ADAMTSL1: variants seen among roughly 807,000 people sequenced by gnomAD.
ADAMTSL1 encodes ADAMTS like 1, also known as ADAMTS-like protein 1.
In ADAMTSL1, 126 loss-of-function variants were observed where a neutral mutation model predicts 201.8. The observed-to-expected ratio is 0.62, with a 90% CI of 0.54 to 0.72. The LOEUF is 0.72. ADAMTSL1 is among the 30% of genes least tolerant of loss of function. The pLI, the probability that ADAMTSL1 is intolerant of heterozygous loss-of-function variation, is 0.00. For synonymous variants in ADAMTSL1, 1,121 were observed against 903.4 expected (o/e 1.24, Z -4.32); for missense variants, 2,679 against 2,277.8 (o/e 1.18, Z -3.59).
chr9:18,311,973 GC>G (rs1269608671), intron 2 of ADAMTSL1, among the ~76,000 whole-genome samples: 3 of 152,306 alleles, frequency 2.0e-5, no homozygotes, highest in East Asian at 1.9e-4. Context: ...TCTGTTGAAT[GC>G]CTTTTACGTG....
chr9:17,953,033 G>GTT (rs5896767), intron 1 of ADAMTSL1, among the ~76,000 whole-genome samples: 131 of 144,520 alleles, frequency 9.1e-4, no homozygotes, highest in Middle Eastern at 3.6e-3. Context: ...AATTTCCATA[G>GTT]TTTTTTTTTT....
chr9:18,906,685 C>T lies in ADAMTSL1; in HGVS notation c.4962-7C>T, dbSNP rs1428364671. The T allele has an allele frequency of 4.5e-6, 7 of 1,570,580 alleles. No homozygotes were observed. Among genetic ancestry groups the T allele is most frequent in the Non-Finnish European group, 6.1e-6 (7 of 1,156,540 alleles). On this transcript the variant is annotated splice_polypyrimidine_tract_variant and splice_region_variant and intron_variant, in intron 27 of 28. Coordinates refer to ENST00000380548, the MANE Select transcript of ADAMTSL1 (RefSeq NM_001040272.6). ...CAAACCTTAACCCTGCCACCATCCT[C>T]CTGCAGGCCTGTGAGCACCCAGAAC...
At position 18,607,739 on chromosome 9, in the gene ADAMTSL1, C is replaced by G. The variant is rs564233001; in HGVS notation, c.475-14504C>G. ...CTATCCCTCCCCCCTACCCCCACCC[C>G]ACAACAGTCCCCAGAGTGCGATGTT... On this transcript the variant is annotated intron_variant, in intron 4 of 28. Coordinates refer to ENST00000380548, the MANE Select transcript of ADAMTSL1 (RefSeq NM_001040272.6). Among the ~76,000 whole-genome samples the G allele has an allele frequency of 2.6e-5, 4 of 152,072 alleles. No individual in the cohort carries two copies. The South Asian group carries it at 8.3e-4, about 32-fold the overall frequency.
intron 1 of ADAMTSL1, among the ~76,000 whole-genome samples, chr9:17,947,483 G>C (rs1588461283): frequency 6.6e-6 from 1 of 151,988 alleles, no homozygotes; most frequent in African/African-American, 2.4e-5. Flanking sequence ...CTAGGATGCT[G>C]TATTCTACCA....
intron 23 of ADAMTSL1, among the ~76,000 whole-genome samples, chr9:18,857,628 A>G (rs1826945198): frequency 6.6e-6 from 1 of 152,142 alleles, no homozygotes; most frequent in East Asian, 1.9e-4. Flanking sequence ...TTAAAGTGGT[A>G]TCTTCTGACC....
At chr9:18,290,769 C>CTTTTTTTTTTGTT (rs1345749640) in intron 2 of ADAMTSL1, among the ~76,000 whole-genome samples, 20 of 82,710 alleles carry the variant, frequency 2.4e-4, no homozygotes, top group Non-Finnish European at 3.0e-4. Context: ...TGAAAGCTGG[C>CTTTTTTTTTTGTT]TTTTTTTGTG....
chr9:18,599,492 A>C (rs541209898), intron 4 of ADAMTSL1, among the ~76,000 whole-genome samples: 1 of 152,264 alleles, frequency 6.6e-6, no homozygotes, highest in African/African-American at 2.4e-5. Context: ...CTGGAGAAAT[A>C]TTTTTATGCT....
chr9:18,296,581 A>G (rs577004909), intron 2 of ADAMTSL1, among the ~76,000 whole-genome samples: 95 of 152,332 alleles, frequency 6.2e-4, no homozygotes, highest in Non-Finnish European at 5.3e-4. Context: ...GCATTATATT[A>G]TTCTTTAAAC....
intron 20 of ADAMTSL1, among the ~76,000 whole-genome samples, chr9:18,808,486 C>G (rs150095808): frequency 6.6e-6 from 1 of 152,292 alleles, no homozygotes; most frequent in Admixed American, 6.5e-5. Context: ...CCATTACTTT[C>G]CAGCAAAAAC....
At chr9:18,523,316 A>C (rs1302367354) in intron 2 of ADAMTSL1, among the ~76,000 whole-genome samples, 2 of 151,610 alleles carry the variant, frequency 1.3e-5, no homozygotes, top group South Asian at 2.1e-4. Flanking sequence ...AATTTGTTTG[A>C]ATTCTTTTTA....
intron 2 of ADAMTSL1, among the ~76,000 whole-genome samples, chr9:18,213,808 C>T (rs1358163248): frequency 2.0e-5 from 3 of 152,084 alleles, no homozygotes; most frequent in South Asian, 2.1e-4. Context: ...GGTGCGATCT[C>T]GGTTCACTGC....
intron 2 of ADAMTSL1, among the ~76,000 whole-genome samples, chr9:18,368,848 C>T (rs111899420): frequency 5.3e-5 from 8 of 152,280 alleles, no homozygotes; most frequent in African/African-American, 1.2e-4. Flanking sequence ...ATAATCACCA[C>T]TGAGATTTTA....
chr9:18,160,847 A>AT (rs35532729), intron 1 of ADAMTSL1, among the ~76,000 whole-genome samples: 34,163 of 119,098 alleles, frequency 0.29, 5,445 homozygotes, highest in Non-Finnish European at 0.37. Flanking sequence ...ACCTGGCTAA[A>AT]TTTTTTTTTT....
chr9:18,078,565 A>G (rs1823331524), intron 1 of ADAMTSL1, among the ~76,000 whole-genome samples: 1 of 152,186 alleles, frequency 6.6e-6, no homozygotes, highest in Non-Finnish European at 1.5e-5. Flanking sequence ...CTCAACAGAT[A>G]CACTTGGAAA....
At chr9:18,475,543 T>C (rs562063517) in intron 1 of ADAMTSL1, among the ~76,000 whole-genome samples, 4 of 152,206 alleles carry the variant, frequency 2.6e-5, no homozygotes, top group Non-Finnish European at 5.9e-5. Context: ...AATAAATTTT[T>C]AATTTTTCAT....
At chr9:18,831,444 C>G (rs1403755447) in intron 23 of ADAMTSL1, among the ~76,000 whole-genome samples, 2 of 152,158 alleles carry the variant, frequency 1.3e-5, no homozygotes, top group Admixed American at 6.5e-5. Context: ...TTTTCAAGTT[C>G]AGTAACTCTT....
chr9:18,042,524 T>A (rs1224571851), intron 1 of ADAMTSL1, among the ~76,000 whole-genome samples: 2 of 152,070 alleles, frequency 1.3e-5, no homozygotes, highest in Admixed American at 6.6e-5. Flanking sequence ...CACTAATACA[T>A]AGGATCTGAA....
chr9:18,525,508 T>A (rs893088349), intron 2 of ADAMTSL1, among the ~76,000 whole-genome samples: 4 of 152,220 alleles, frequency 2.6e-5, no homozygotes, highest in Non-Finnish European at 4.4e-5. Flanking sequence ...TTGCTCTTGC[T>A]TCTCTAGTTC....
chr9:18,274,272 T>C (rs1832500460), intron 2 of ADAMTSL1, among the ~76,000 whole-genome samples: 1 of 152,234 alleles, frequency 6.6e-6, no homozygotes. Flanking sequence ...CTAGTGCTCT[T>C]TCTTCTTGCA....
Sources: allele counts gnomAD v4.1 joint callset (sites outside exome capture counted in the v4.1 genomes callset), GRCh38; gene constraint gnomAD v4.1.1; transcripts MANE v1.5; gene names NCBI Gene and HGNC (gene_info 2026-07-23, HGNC 2026-07-21).